The following FRMD4A variants were observed in gnomAD, a reference collection of about 807,000 sequenced individuals.
FRMD4A encodes FERM domain-containing protein 4A.
FRMD4A carries 29 observed loss-of-function variants against 129.1 expected under a neutral mutation model. The ratio of observed to expected loss-of-function variants is 0.22; its 90% CI spans 0.17 to 0.31. The LOEUF (loss-of-function observed/expected upper bound fraction) is 0.31. FRMD4A is among the 10% of genes least tolerant of loss of function. The pLI is 1.00. For synonymous variants in FRMD4A, 634 were observed against 571.6 expected (o/e 1.11, Z -1.56); for missense variants, 1,272 against 1,375.8 (o/e 0.92, Z 1.19).
chr10:13,801,463 G>A (rs952479333), intron 4 of FRMD4A, among the ~76,000 whole-genome samples: 2 of 152,218 alleles, frequency 1.3e-5, no homozygotes, highest in South Asian at 2.1e-4. Flanking sequence ...GGCTAATGGA[G>A]AGGCAGACTT....
At chr10:13,838,965 T>C (rs1002111956) in intron 3 of FRMD4A, among the ~76,000 whole-genome samples, 2 of 150,590 alleles carry the variant, frequency 1.3e-5, no homozygotes, top group East Asian at 1.9e-4. Flanking sequence ...AATATGACTT[T>C]AGGGCTTGGC....
rs963568315 is a variant in FRMD4A at position 13,821,418 on chromosome 10, G to A, written c.112-10510C>T. ...AAGATCAGAGACCCGCCTGCCAGAG[G>A]TGGCATCTCTTTACCCAGAGGTCCC... On this transcript the variant is annotated intron_variant, in intron 3 of 24. Transcript: ENST00000357447. The surrounding 1 kb of genome is among the most constrained non-coding windows in gnomAD (Gnocchi z 4.3). Among the ~76,000 whole-genome samples, 2 of 152,174 alleles carry A rather than the reference G, an allele frequency of 1.3e-5. No homozygotes were observed. The highest frequency in any genetic ancestry group is 1.9e-4 in the East Asian group (1 of 5,196).
At chr10:13,704,234 A>G (rs1199823618) in intron 13 of FRMD4A, among the ~76,000 whole-genome samples, 1 of 152,224 alleles carries the variant, frequency 6.6e-6, no homozygotes, top group Non-Finnish European at 1.5e-5. Context: ...GCCATGCTAA[A>G]TAACTGACCT....
intron 2 of FRMD4A, among the ~76,000 whole-genome samples, chr10:14,287,913 C>G (rs1845732750): frequency 2.0e-5 from 3 of 152,020 alleles, no homozygotes; most frequent in Admixed American, 2.0e-4. Flanking sequence ...GACAAAACAG[C>G]TCTTATCCAA....
intron 2 of FRMD4A, among the ~76,000 whole-genome samples, chr10:14,232,507 G>T (rs1374891744): frequency 6.6e-6 from 1 of 151,758 alleles, no homozygotes; most frequent in African/African-American, 2.4e-5. Context: ...GCTGAATCTA[G>T]AAATTGCTTT....
intron 2 of FRMD4A, among the ~76,000 whole-genome samples, chr10:13,874,483 T>C (rs1311443619): frequency 6.6e-6 from 1 of 152,130 alleles, no homozygotes; most frequent in Non-Finnish European, 1.5e-5. Context: ...TGGATTTGAC[T>C]ACCATAAAGA....
At chr10:13,704,894 G>A (rs1363875456) in intron 13 of FRMD4A, among the ~76,000 whole-genome samples, 2 of 148,956 alleles carry the variant, frequency 1.3e-5, no homozygotes, top group African/African-American at 2.5e-5. Flanking sequence ...AACACTGTGA[G>A]ACCCAGTCTC....
intron 2 of FRMD4A, among the ~76,000 whole-genome samples, chr10:14,162,631 T>G (rs1042265566): frequency 6.2e-5 from 8 of 128,178 alleles, no homozygotes; most frequent in East Asian, 2.5e-4. Flanking sequence ...AGTTTCTCTG[T>G]TTTTTTTTTG....
chr10:14,305,480 T>C (rs1313595979), intron 2 of FRMD4A, among the ~76,000 whole-genome samples: 1 of 152,224 alleles, frequency 6.6e-6, no homozygotes, highest in African/African-American at 2.4e-5. Context: ...AAAGTTCTCA[T>C]GCCAAGGAAA....
At chr10:14,295,506 T>C (rs1414179324) in intron 2 of FRMD4A, among the ~76,000 whole-genome samples, 1 of 152,156 alleles carries the variant, frequency 6.6e-6, no homozygotes, top group Non-Finnish European at 1.5e-5. Context: ...TTTCTTCATG[T>C]CTCCCAATTC....
chr10:13,773,552 T>C (rs1237803202), intron 6 of FRMD4A, among the ~76,000 whole-genome samples: 1 of 152,256 alleles, frequency 6.6e-6, no homozygotes, highest in Non-Finnish European at 1.5e-5. Context: ...TAAAGAAGAT[T>C]GGGAGCTGGT....
chr10:14,279,376 T>A (rs565354419), intron 2 of FRMD4A, among the ~76,000 whole-genome samples: 90 of 152,098 alleles, frequency 5.9e-4, no homozygotes, highest in African/African-American at 2.1e-3. Context: ...TTTTTGTATT[T>A]TTAGTAGAGA....
chr10:13,855,105 T>G (rs1317049208), intron 3 of FRMD4A, among the ~76,000 whole-genome samples: 1 of 152,178 alleles, frequency 6.6e-6, no homozygotes, highest in Non-Finnish European at 1.5e-5. Context: ...AGATTTCACT[T>G]GGTAATCTCA....
At chr10:14,138,378 A>G (rs1839653677) in intron 2 of FRMD4A, among the ~76,000 whole-genome samples, 1 of 152,228 alleles carries the variant, frequency 6.6e-6, no homozygotes, top group African/African-American at 2.4e-5. Flanking sequence ...GTTATGAAGT[A>G]AAGGTTTGAT....
At chr10:14,092,785 A>C (rs191231277) in intron 2 of FRMD4A, among the ~76,000 whole-genome samples, 96 of 152,342 alleles carry the variant, frequency 6.3e-4, no homozygotes, top group African/African-American at 2.3e-3. Context: ...TCTCGGGACC[A>C]GGCTGGGATA....
intron 12 of FRMD4A, among the ~76,000 whole-genome samples, chr10:13,720,726 G>A (rs1450520022): frequency 3.9e-5 from 6 of 152,170 alleles, no homozygotes; most frequent in South Asian, 2.1e-4. Flanking sequence ...AAGTGACATC[G>A]AGTCAATATC....
chr10:13,956,750 C>T (rs986474333), intron 2 of FRMD4A, among the ~76,000 whole-genome samples: 5 of 152,160 alleles, frequency 3.3e-5, no homozygotes, highest in African/African-American at 7.2e-5. Flanking sequence ...GCAGTGAGTA[C>T]TAAGATTCAA....
chr10:13,655,449 TGAAGA>T (rs931892778), intron 22 of FRMD4A: 22 of 152,196 alleles, frequency 1.4e-4, no homozygotes, highest in African/African-American at 4.8e-4. Context: ...ATTTTACAGA[TGAAGA>T]AGGAACATAA....
chr10:13,936,236 C>G (rs1022255441), intron 2 of FRMD4A, among the ~76,000 whole-genome samples: 11 of 152,168 alleles, frequency 7.2e-5, no homozygotes, highest in Admixed American at 6.5e-4. Context: ...AGAGCTTCAA[C>G]TGGACTCCTG....
Sources: gnomAD v4.1 joint callset for allele counts (sites outside exome capture counted in the v4.1 genomes callset) on GRCh38, gnomAD v4.1.1 for gene constraint, Gnocchi (gnomAD v3.1) non-coding constraint, MANE v1.5 for transcripts, NCBI Gene and HGNC (gene_info 2026-07-23, HGNC 2026-07-21) for gene names.